The following EPB41L4A variants were observed in gnomAD, a reference collection of about 807,000 sequenced individuals.
The protein encoded by EPB41L4A is erythrocyte membrane protein band 4.1 like 4A.
EPB41L4A carries 100 observed loss-of-function variants against 108.6 expected under a neutral mutation model. The observed-to-expected ratio is 0.92, with a 90% CI of 0.78 to 1.09. The LOEUF is 1.09. EPB41L4A is among the 50% of genes least tolerant of loss of function. The pLI, the probability that EPB41L4A is intolerant of heterozygous loss-of-function variation, is 0.00. For synonymous variants in EPB41L4A, 319 were observed against 289.0 expected (o/e 1.10, Z -1.05); for missense variants, 1,030 against 842.7 (o/e 1.22, Z -2.75).
At chr5:112,280,032 G>A (rs1414884017) in intron 3 of EPB41L4A, among the ~76,000 whole-genome samples, 1 of 152,034 alleles carries the variant, frequency 6.6e-6, no homozygotes, top group African/African-American at 2.4e-5. Context: ...CAAAATCAAG[G>A]AAAGACCTGC....
intron 13 of EPB41L4A, among the ~76,000 whole-genome samples, chr5:112,144,699 G>T (rs968778632): frequency 6.6e-6 from 1 of 152,148 alleles, no homozygotes; most frequent in Admixed American, 6.5e-5. Flanking sequence ...AAACCTAGAG[G>T]TCATTTATAT....
chr5:112,151,097 A>T (rs1387467094), intron 12 of EPB41L4A, among the ~76,000 whole-genome samples: 2 of 152,172 alleles, frequency 1.3e-5, no homozygotes, highest in African/African-American at 4.8e-5. Context: ...AAAGATTGCA[A>T]TTAGAGTAGA....
At chr5:112,237,788 G>C (rs1749457164) in intron 11 of EPB41L4A, among the ~76,000 whole-genome samples, 1 of 152,026 alleles carries the variant, frequency 6.6e-6, no homozygotes. Context: ...CTAACCTCTG[G>C]GCATCGTCTT....
At chr5:112,377,865 T>C (rs988228314) in intron 1 of EPB41L4A, among the ~76,000 whole-genome samples, 15 of 152,008 alleles carry the variant, frequency 9.9e-5, no homozygotes, top group African/African-American at 3.1e-4. Flanking sequence ...AAAATCACAC[T>C]GCTAACCCCC....
At chr5:112,294,784 A>G (rs1453474014) in intron 2 of EPB41L4A, among the ~76,000 whole-genome samples, 2 of 152,118 alleles carry the variant, frequency 1.3e-5, no homozygotes, top group African/African-American at 2.4e-5. Flanking sequence ...CTGAAAAGTC[A>G]TGTTGCAAGA....
intron 1 of EPB41L4A, among the ~76,000 whole-genome samples, chr5:112,418,063 C>A (rs1452285647): frequency 2.0e-5 from 3 of 152,106 alleles, no homozygotes; most frequent in African/African-American, 7.2e-5. Flanking sequence ...GGGGCGGTTT[C>A]CCTTCACCAG....
At chr5:112,217,269 G>C (rs923189711) in intron 12 of EPB41L4A, among the ~76,000 whole-genome samples, 2 of 152,164 alleles carry the variant, frequency 1.3e-5, no homozygotes, top group African/African-American at 4.8e-5. Flanking sequence ...TGGCAAAACA[G>C]ATGCTCATTA....
intron 1 of EPB41L4A, among the ~76,000 whole-genome samples, chr5:112,313,479 T>C (rs535110672): frequency 6.6e-6 from 1 of 152,240 alleles, no homozygotes; most frequent in Admixed American, 6.5e-5. Flanking sequence ...TAATCCCAGC[T>C]TCTCAGGAGG....
At chr5:112,351,876 A>C (rs1758064975) in intron 1 of EPB41L4A, among the ~76,000 whole-genome samples, 1 of 152,246 alleles carries the variant, frequency 6.6e-6, no homozygotes, top group South Asian at 2.1e-4. Flanking sequence ...ACGTTCCATC[A>C]ACAGAATGAA....
intron 9 of EPB41L4A, among the ~76,000 whole-genome samples, chr5:112,242,821 T>G (rs62367266): frequency 0.3 from 46,374 of 152,142 alleles, 7,792 homozygotes; most frequent in Non-Finnish European, 0.38. Context: ...ATCTCCATGA[T>G]AGCTCTAGAG....
chr5:112,318,375 A>T (rs1461083584), intron 1 of EPB41L4A, among the ~76,000 whole-genome samples: 7 of 152,234 alleles, frequency 4.6e-5, no homozygotes, highest in Non-Finnish European at 1.0e-4. Context: ...TTTAAAGGAT[A>T]TTCTTTGGTT....
intron 1 of EPB41L4A, among the ~76,000 whole-genome samples, chr5:112,355,812 C>T (rs183517386): frequency 8.4e-4 from 128 of 152,210 alleles, no homozygotes; most frequent in African/African-American, 2.7e-3. Flanking sequence ...CTTTTACTGC[C>T]TCAGAGAATC....
chr5:112,238,790 T>C (rs1749549569), intron 11 of EPB41L4A, among the ~76,000 whole-genome samples: 1 of 152,048 alleles, frequency 6.6e-6, no homozygotes, highest in Non-Finnish European at 1.5e-5. Flanking sequence ...TTTGTATCTC[T>C]AGGTACCTAA....
At chr5:112,308,263 A>C (rs1319437462) in intron 1 of EPB41L4A, among the ~76,000 whole-genome samples, 1 of 152,178 alleles carries the variant, frequency 6.6e-6, no homozygotes, top group Admixed American at 6.5e-5. Context: ...CTGGTATAAT[A>C]AGATAATAAA....
At chr5:112,386,600 T>C (rs867797013) in intron 1 of EPB41L4A, among the ~76,000 whole-genome samples, 5 of 152,190 alleles carry the variant, frequency 3.3e-5, no homozygotes, top group African/African-American at 4.8e-5. Context: ...AGATGTAAGA[T>C]ATTGGAATGA....
intron 22 of EPB41L4A, among the ~76,000 whole-genome samples, chr5:112,165,327 C>G (rs1378646144): frequency 6.6e-6 from 1 of 152,154 alleles, no homozygotes; most frequent in Non-Finnish European, 1.5e-5. Context: ...CAAAGTTAGT[C>G]TGACATTTAC....
At chr5:112,296,837 T>G (rs938053923) in intron 2 of EPB41L4A, among the ~76,000 whole-genome samples, 3 of 152,010 alleles carry the variant, frequency 2.0e-5, no homozygotes, top group Admixed American at 6.6e-5. Context: ...TAGCCCCCAC[T>G]TACGAGTGAG....
At chr5:112,410,439 G>T (rs559527593) in intron 1 of EPB41L4A, among the ~76,000 whole-genome samples, 44 of 152,320 alleles carry the variant, frequency 2.9e-4, no homozygotes, top group African/African-American at 9.6e-4. Context: ...AAATTGTCCA[G>T]CTGAGAACTG....
chr5:112,177,489 G>A (rs1404434275), intron 18 of EPB41L4A, among the ~76,000 whole-genome samples: 1 of 151,932 alleles, frequency 6.6e-6, no homozygotes, highest in Non-Finnish European at 1.5e-5. Flanking sequence ...TGCCATCTAG[G>A]GTCATATATT....
Sources: allele counts gnomAD v4.1 joint callset (sites outside exome capture counted in the v4.1 genomes callset), GRCh38; gene constraint gnomAD v4.1.1; transcripts MANE v1.5; gene names NCBI Gene and HGNC (gene_info 2026-07-23, HGNC 2026-07-21).